The following TTC28 variants were observed in gnomAD, a reference collection of about 807,000 sequenced individuals.
TTC28 encodes tetratricopeptide repeat domain 28.
In TTC28, 61 loss-of-function variants were observed where a neutral mutation model predicts 198.0. That is an observed-to-expected ratio of 0.31 (90% CI 0.25 to 0.38). The LOEUF (loss-of-function observed/expected upper bound fraction) is 0.38. Ranked by LOEUF, TTC28 falls within the 10% of genes least tolerant of loss-of-function variation. The probability of loss-of-function intolerance (pLI) is 1.00; values close to 1 mark genes in which losing one functional copy is unlikely to be tolerated. For synonymous variants in TTC28, 1,171 were observed against 1,297.8 expected (o/e 0.90, Z 2.10); for missense variants, 2,678 against 3,164.0 (o/e 0.85, Z 3.69).
At chr22:28,098,887 A>AG in intron 10 of TTC28, 28 bp downstream of exon 10, 1 of 1,550,636 alleles carries the variant, frequency 6.4e-7, no homozygotes, top group Admixed American at 2.0e-5. Flanking sequence ...TGCACACGTA[A>AG]GCAAGGAGTA....
intron 6 of TTC28, among the ~76,000 whole-genome samples, chr22:28,120,356 C>T (rs1011070238): frequency 9.9e-5 from 15 of 152,140 alleles, no homozygotes; most frequent in South Asian, 6.2e-4. Context: ...CTGCTTTCAA[C>T]GCCCTGGGAC....
In TTC28 at chr22:27,983,311, T is replaced by C. The variant is rs1453039682; in HGVS notation, c.6356A>G (p.Asn2119Ser). The C allele has an allele frequency of 2.6e-6, 4 of 1,551,784 alleles. No individual in the cohort carries two copies. The highest frequency in any genetic ancestry group is 3.5e-6 in the Non-Finnish European group (4 of 1,147,064). The change falls in exon 23 of 23, where the codon AAC (asparagine) becomes AGC (serine). Residue 2119 changes from asparagine to serine, a missense_variant. Coordinates refer to ENST00000397906, the MANE Select transcript of TTC28 (RefSeq NM_001145418.2). ...PVKMTLIPSPNSPFQKVGKLA... is the reference protein window; with the variant it reads ...PVKMTLIPSPSSPFQKVGKLA... Reference sequence around the variant, plus strand: ...TTTTCCCACCTTTTGGAAGGGTGAGTTGGGGCTGGGAATCAGAGTCATTTT... The same window carrying C: ...TTTTCCCACCTTTTGGAAGGGTGAGCTGGGGCTGGGAATCAGAGTCATTTT...
rs1236399041 is a variant in TTC28, at chr22:27,993,521, G to T, written c.5245-3C>A. The T allele has an allele frequency of 1.3e-6, 2 of 1,539,058 alleles. No homozygotes were observed. The highest frequency in any genetic ancestry group is 1.8e-6 in the Non-Finnish European group (2 of 1,138,122). ...ATGCGCTGCAGGGATTTCTCCACCT[G>T]AGGGGGAATTGGGGGTGAGTCAGAG... On this transcript the variant is annotated splice_polypyrimidine_tract_variant and splice_region_variant and intron_variant, in intron 17 of 22. Transcript: ENST00000397906.
intron 2 of TTC28, among the ~76,000 whole-genome samples, chr22:28,626,972 T>C (rs1328384209): frequency 6.6e-6 from 1 of 151,438 alleles, no homozygotes; most frequent in Non-Finnish European, 1.5e-5. Flanking sequence ...TAAAGAAAAA[T>C]GAAAAAGATA....
intron 2 of TTC28, among the ~76,000 whole-genome samples, chr22:28,321,292 C>T (rs921421660): frequency 3.3e-5 from 5 of 152,194 alleles, no homozygotes; most frequent in East Asian, 3.9e-4. Flanking sequence ...TGAATTTTTC[C>T]TCCATCCAAT....
chr22:28,028,161 C>T lies in TTC28; in HGVS notation c.4073+2065G>A, dbSNP rs528043735. On this transcript the variant is annotated intron_variant, in intron 13 of 22. Transcript: ENST00000397906. ...TCGGGGTTGGAAGAGTCTGCAGAGA[C>T]CCCTTCAATTTCTTTGCTTTTCTGA... is the stretch of plus-strand genomic sequence containing the variant. 1.7e-4 allele frequency among the ~76,000 whole-genome samples: 26 copies of T among 152,312 alleles called. 1 individual carries two copies. In the South Asian group the frequency reaches 5.2e-3, roughly 30 times the overall value.
Position 28,670,831 on chromosome 22 carries a change from G to C in TTC28, c.102+8791C>G, listed in dbSNP as rs969867759. Among the ~76,000 whole-genome samples, 11 of 151,954 alleles carry C rather than the reference G, an allele frequency of 7.2e-5. No homozygotes were observed. The South Asian group carries it at 1.9e-3, about 26-fold the overall frequency. On this transcript the variant is annotated intron_variant, in intron 1 of 22. Transcript: ENST00000397906. ...CACTTTACATTCCAGCAATGTATGA[G>C]AGCTCCAATTTCTCCACATCCTCAC...
chr22:27,997,498 C>G (rs1937573147), intron 16 of TTC28: 1 of 152,212 alleles, frequency 6.6e-6, no homozygotes, highest in Non-Finnish European at 1.5e-5. Context: ...GAGGGACTGA[C>G]CCACCTTTGG....
chr22:28,339,615 T>G (rs1323334459), intron 2 of TTC28, among the ~76,000 whole-genome samples: 1 of 152,168 alleles, frequency 6.6e-6, no homozygotes, highest in African/African-American at 2.4e-5. Flanking sequence ...CTAGCCTCGC[T>G]GCCGCCTTGC....
chr22:28,407,944 C>CT (rs1283167345), intron 2 of TTC28, among the ~76,000 whole-genome samples: 10 of 152,216 alleles, frequency 6.6e-5, no homozygotes, highest in Middle Eastern at 3.2e-3. Flanking sequence ...TATCAATTAA[C>CT]TCTTAGAATG....
intron 2 of TTC28, among the ~76,000 whole-genome samples, chr22:28,584,736 G>A (rs2050288301): frequency 6.6e-6 from 1 of 152,114 alleles, no homozygotes; most frequent in Non-Finnish European, 1.5e-5. Flanking sequence ...ACTTCATTTT[G>A]CAGGTGATGG....
Position 27,982,581 on chromosome 22 carries a change from CA to C in TTC28, c.7085del (p.Met2362SerfsTer14). Reference sequence around the variant, plus strand: ...AATGCTGGGGTGTGCTCTGCCAGAACATCTTCAGGTTATGGACAGCCTGCAC... The same window carrying C: ...AATGCTGGGGTGTGCTCTGCCAGAACTCTTCAGGTTATGGACAGCCTGCAC... Reference protein sequence around the residue: ...EKVQAVHNLKMFWQSTPQHST... With the variant: ...EKVQAVHNLKXFWQSTPQHST... On this transcript the variant is annotated frameshift_variant, in exon 23 of 23. Coordinates refer to ENST00000397906, the MANE Select transcript of TTC28 (RefSeq NM_001145418.2). LOFTEE classifies it low-confidence loss of function (END_TRUNC). This position sits in a 1 kb window ranked among gnomAD's most constrained non-coding sequence, Gnocchi z 5.2. 1 of 1,551,774 alleles carries C rather than the reference CA, an allele frequency of 6.4e-7. No individual in the cohort carries two copies. The highest frequency in any genetic ancestry group is 8.7e-7 in the Non-Finnish European group (1 of 1,147,014).
intron 6 of TTC28, among the ~76,000 whole-genome samples, chr22:28,161,978 A>C (rs1051175453): frequency 3.9e-5 from 6 of 152,198 alleles, no homozygotes; most frequent in Admixed American, 6.5e-5. Context: ...TCTGATAAGC[A>C]TATCAATAAG....
At chr22:28,123,424 T>G (rs1942839733) in intron 6 of TTC28, among the ~76,000 whole-genome samples, 1 of 151,580 alleles carries the variant, frequency 6.6e-6, no homozygotes, top group South Asian at 2.1e-4. Context: ...CCCAGCTAAT[T>G]TTTGTATTTT....
intron 2 of TTC28, among the ~76,000 whole-genome samples, chr22:28,590,272 C>A (rs1435643068): frequency 6.6e-6 from 1 of 151,460 alleles, no homozygotes; most frequent in Admixed American, 6.6e-5. Context: ...GGACTACAGG[C>A]GCCCACCACC....
intron 2 of TTC28, among the ~76,000 whole-genome samples, chr22:28,611,505 AT>A (rs59329098): frequency 0.21 from 16,916 of 81,362 alleles, 1,139 homozygotes; most frequent in African/African-American, 0.29. Context: ...CTTTTTTTTA[AT>A]TTTTTTTTTT....
At chr22:28,383,452 A>T (rs2046527340) in intron 2 of TTC28, among the ~76,000 whole-genome samples, 1 of 152,164 alleles carries the variant, frequency 6.6e-6, no homozygotes, top group African/African-American at 2.4e-5. Flanking sequence ...TTTACAACTC[A>T]ATTGAATTAC....
intron 5 of TTC28, among the ~76,000 whole-genome samples, chr22:28,170,664 T>C (rs887869900): frequency 2.0e-4 from 31 of 152,212 alleles, no homozygotes; most frequent in African/African-American, 6.5e-4. Context: ...TTTACCATGA[T>C]GACTGATGAT....
intron 2 of TTC28, among the ~76,000 whole-genome samples, chr22:28,580,062 G>A (rs912623998): frequency 1.3e-5 from 2 of 152,010 alleles, no homozygotes; most frequent in Non-Finnish European, 2.9e-5. Flanking sequence ...TCAATGTATT[G>A]TGTTGATAAA....
Sources: gnomAD v4.1 joint callset for allele counts (sites outside exome capture counted in the v4.1 genomes callset) on GRCh38, gnomAD v4.1.1 for gene constraint, Gnocchi (gnomAD v3.1) non-coding constraint, MANE v1.5 for transcripts, NCBI Gene and HGNC (gene_info 2026-07-23, HGNC 2026-07-21) for gene names.